SH3YL1: variants seen among roughly 807,000 people sequenced by gnomAD.
SH3YL1 encodes SH3 domain-containing YSC84-like protein 1.
A neutral mutation model predicts 45.8 loss-of-function variants in SH3YL1; 41 were observed. The ratio of observed to expected loss-of-function variants is 0.89; its 90% CI spans 0.70 to 1.16. The LOEUF (loss-of-function observed/expected upper bound fraction) is 1.16, where lower values mean the gene tolerates loss of function less well. Among genes scored for constraint, SH3YL1 ranks in the 50% most tolerant of loss-of-function variants. The probability of loss-of-function intolerance (pLI) is 0.00; values close to 1 mark genes in which losing one functional copy is unlikely to be tolerated. For missense variants in SH3YL1, 389 were observed against 409.6 expected (o/e 0.95, Z 0.43); for synonymous variants, 152 against 151.4 (o/e 1.00, Z -0.03).
intron 9 of SH3YL1, among the ~76,000 whole-genome samples, chr2:221,298 C>A (rs1021582722): frequency 6.6e-6 from 1 of 152,182 alleles, no homozygotes; most frequent in Non-Finnish European, 1.5e-5. Flanking sequence ...ACCTGCCTCA[C>A]TGGGTTTCCA....
At chr2:250,796 T>C (rs990383390) in intron 2 of SH3YL1, among the ~76,000 whole-genome samples, 17 of 152,220 alleles carry the variant, frequency 1.1e-4, no homozygotes, top group African/African-American at 3.9e-4. Flanking sequence ...AAATAATTCA[T>C]CCAACACCAT....
chr2:247,912 G>A (rs560736415), intron 3 of SH3YL1, among the ~76,000 whole-genome samples: 1 of 152,240 alleles, frequency 6.6e-6, no homozygotes, highest in South Asian at 2.1e-4. Flanking sequence ...AGAGCACTTG[G>A]TAACTTCAAC....
At chr2:245,029 A>C (rs765766952) in intron 4 of SH3YL1, among the ~76,000 whole-genome samples, 1 of 152,116 alleles carries the variant, frequency 6.6e-6, no homozygotes, top group Non-Finnish European at 1.5e-5. Flanking sequence ...TGGATACCCC[A>C]TGCTCCCGTT....
intron 1 of SH3YL1, chr2:259,448 C>A (rs1228404995): frequency 1.3e-5 from 2 of 151,794 alleles, no homozygotes; most frequent in East Asian, 3.9e-4. Flanking sequence ...GCTTTTTTTT[C>A]TGTTTTTTCT....
chr2:237,208 G>A (rs1668343868), intron 4 of SH3YL1, among the ~76,000 whole-genome samples: 1 of 151,944 alleles, frequency 6.6e-6, no homozygotes, highest in South Asian at 2.1e-4. Context: ...TTCCGCTTCT[G>A]CTTGGTACAT....
intron 8 of SH3YL1, among the ~76,000 whole-genome samples, chr2:229,522 G>C (rs1162737747): frequency 6.6e-6 from 1 of 151,948 alleles, no homozygotes; most frequent in Non-Finnish European, 1.5e-5. Flanking sequence ...GAGGTCAGGA[G>C]ATCGAGACCA....
At chr2:225,861 T>C (rs538656789) in intron 8 of SH3YL1, among the ~76,000 whole-genome samples, 1 of 152,198 alleles carries the variant, frequency 6.6e-6, no homozygotes, top group Non-Finnish European at 1.5e-5. Context: ...CAAAGTCTTA[T>C]TGAAAGACAT....
At chr2:259,614 C>T (rs1407073221) in intron 1 of SH3YL1, 3 of 151,800 alleles carry the variant, frequency 2.0e-5, no homozygotes, top group Non-Finnish European at 2.9e-5. Context: ...ACCTGTGACA[C>T]ATTACAAAGC....
At position 231,019 on chromosome 2, in the gene SH3YL1, G is replaced by A. The variant is rs749828742; in HGVS notation, c.702+4C>T. ...ACTGAGTGAAACATAAAACCAAACGGTACAGAAGACTTCCTCTGCTCCCTT... is the reference window on the plus strand; with the variant it reads ...ACTGAGTGAAACATAAAACCAAACGATACAGAAGACTTCCTCTGCTCCCTT... On this transcript the variant is annotated splice_donor_region_variant and intron_variant, in intron 7 of 9. Transcript: ENST00000356150. 2 of 1,613,778 alleles carry A rather than the reference G, an allele frequency of 1.2e-6. No homozygotes were observed. Among genetic ancestry groups the A allele is most frequent in the South Asian group, 2.2e-5 (2 of 91,064 alleles).
chr2:261,716 G>A (rs1033487522), intron 1 of SH3YL1, among the ~76,000 whole-genome samples: 2 of 152,180 alleles, frequency 1.3e-5, no homozygotes, highest in Non-Finnish European at 2.9e-5. Flanking sequence ...AGGTGACAAA[G>A]CTGACTACGG....
chr2:228,039 T>C (rs555290438), intron 8 of SH3YL1, among the ~76,000 whole-genome samples: 10 of 152,230 alleles, frequency 6.6e-5, no homozygotes, highest in Non-Finnish European at 7.3e-5. Context: ...TAAAAACTGA[T>C]ATTCAAAACT....
intron 4 of SH3YL1, 50 bp downstream of exon 4, chr2:247,488 G>T: frequency 7.1e-7 from 1 of 1,412,090 alleles, no homozygotes; most frequent in Non-Finnish European, 9.7e-7. Flanking sequence ...TTGCATCTTA[G>T]GTGTCTTCAG....
chr2:254,967 A>C (rs925384618), intron 1 of SH3YL1, among the ~76,000 whole-genome samples: 2 of 152,194 alleles, frequency 1.3e-5, no homozygotes, highest in Non-Finnish European at 2.9e-5. Context: ...TACCCACTTC[A>C]AGTTGTCCCG....
intron 2 of SH3YL1, among the ~76,000 whole-genome samples, chr2:252,007 A>C (rs1669091314): frequency 6.6e-6 from 1 of 152,186 alleles, no homozygotes; most frequent in Non-Finnish European, 1.5e-5. Context: ...TATGCTATGA[A>C]CACCCTTTGG....
intron 4 of SH3YL1, among the ~76,000 whole-genome samples, chr2:245,198 G>A (rs139902952): frequency 2.1e-4 from 32 of 152,256 alleles, no homozygotes; most frequent in Non-Finnish European, 3.4e-4. Context: ...ACAATTACAC[G>A]CAGAGACTTA....
intron 5 of SH3YL1, 129 bp from the exon 6 acceptor site, chr2:233,358 T>G (rs1668140163): frequency 9.4e-7 from 1 of 1,065,976 alleles, no homozygotes; most frequent in South Asian, 3.3e-5. Flanking sequence ...GTTTCTATGT[T>G]TTACTTACTG....
intron 2 of SH3YL1, among the ~76,000 whole-genome samples, chr2:252,338 T>C (rs1669103864): frequency 6.6e-6 from 1 of 152,204 alleles, no homozygotes; most frequent in Non-Finnish European, 1.5e-5. Flanking sequence ...CTGGTGAGTT[T>C]GCGAGGTTAG....
chr2:249,382 G>C (rs1668975312), intron 3 of SH3YL1, among the ~76,000 whole-genome samples: 1 of 152,130 alleles, frequency 6.6e-6, no homozygotes. Context: ...AAAGAAAGCA[G>C]CTACACCATG....
At chr2:254,542 C>A (rs1312095580) in intron 1 of SH3YL1, among the ~76,000 whole-genome samples, 1 of 152,136 alleles carries the variant, frequency 6.6e-6, no homozygotes, top group Admixed American at 6.5e-5. Context: ...CACTGTTTCG[C>A]CTCAGTAATT....
Sources: gnomAD v4.1 joint callset for allele counts (sites outside exome capture counted in the v4.1 genomes callset) on GRCh38, gnomAD v4.1.1 for gene constraint, MANE v1.5 for transcripts, NCBI Gene and HGNC (gene_info 2026-07-23, HGNC 2026-07-21) for gene names.